The following TRPS1 variants were observed in gnomAD, a reference collection of about 807,000 sequenced individuals.
TRPS1 encodes zinc finger transcription factor Trps1.
TRPS1 carries 6 observed loss-of-function variants against 101.2 expected under a neutral mutation model. The ratio of observed to expected loss-of-function variants is 0.06; its 90% confidence interval spans 0.03 to 0.12. The LOEUF is 0.12. Among genes scored for constraint, TRPS1 ranks in the 10% least tolerant of loss-of-function variants. TRPS1 has a pLI of 1.00. For missense variants in TRPS1, 1,363 were observed against 1,567.0 expected (o/e 0.87, Z 2.20); for synonymous variants, 578 against 589.8 (o/e 0.98, Z 0.29).
intron 5 of TRPS1, among the ~76,000 whole-genome samples, chr8:115,557,892 G>T (rs761254915): frequency 2.6e-5 from 4 of 152,104 alleles, no homozygotes; most frequent in Non-Finnish European, 5.9e-5. Flanking sequence ...AGTTAGGGAA[G>T]AGTAATATAT....
chr8:115,470,035 A>G (rs1453950069), intron 5 of TRPS1, among the ~76,000 whole-genome samples: 1 of 152,220 alleles, frequency 6.6e-6, no homozygotes, highest in Non-Finnish European at 1.5e-5. Flanking sequence ...TTGGGCAACA[A>G]GGACAGGGTT....
intron 5 of TRPS1, among the ~76,000 whole-genome samples, chr8:115,581,111 A>T (rs1275416629): frequency 6.6e-6 from 1 of 152,160 alleles, no homozygotes; most frequent in East Asian, 1.9e-4. Context: ...ACGTGAATAG[A>T]ACAGGCGAAC....
chr8:115,621,762 A>C (rs1818398160), intron 2 of TRPS1, among the ~76,000 whole-genome samples: 1 of 152,034 alleles, frequency 6.6e-6, no homozygotes, highest in African/African-American at 2.4e-5. Context: ...AAAAAAATAC[A>C]AAAATTAGCT....
intron 5 of TRPS1, among the ~76,000 whole-genome samples, chr8:115,435,998 T>TCACACACACACACACA (rs4027183): frequency 1.3e-4 from 17 of 134,080 alleles, no homozygotes; most frequent in African/African-American, 3.2e-4. Flanking sequence ...AAATGAGAAA[T>TCACACACACACACACA]CACACACACA....
intron 5 of TRPS1, among the ~76,000 whole-genome samples, chr8:115,573,904 T>C (rs1232879628): frequency 6.6e-6 from 1 of 152,160 alleles, no homozygotes; most frequent in Non-Finnish European, 1.5e-5. Flanking sequence ...AAGTCCAGTC[T>C]TCCTTTCCGA....
rs1817967082 is a variant in TRPS1 at position 115,603,939 on chromosome 8, T to C, written c.2030A>G (p.Lys677Arg). Reference sequence around the variant, plus strand: ...ATCACATTTGGTACATGAGTGTTCTTTGCTTTCCTTGACAGACTGCTGCCC... The same window carrying C: ...ATCACATTTGGTACATGAGTGTTCTCTGCTTTCCTTGACAGACTGCTGCCC... Reference protein sequence around the residue: ...SDGQQSVKESKEHSCTKCDFI... With the variant: ...SDGQQSVKESREHSCTKCDFI... Residue 677 changes from lysine to arginine, a missense_variant, in exon 4 of 7, where the codon AAA becomes AGA. Physicochemically the swap from Lys to Arg is conservative, Grantham distance 26. Transcript: ENST00000395715. 1.9e-6 allele frequency: 3 copies of C among 1,614,052 alleles called. No homozygotes were observed. Among genetic ancestry groups the C allele is most frequent in the Non-Finnish European group, 2.5e-6 (3 of 1,179,976 alleles).
intron 5 of TRPS1, among the ~76,000 whole-genome samples, chr8:115,574,666 A>G (rs931246853): frequency 1.3e-5 from 2 of 152,142 alleles, no homozygotes; most frequent in African/African-American, 4.8e-5. Flanking sequence ...AGTTACTGGC[A>G]TCAACTTCAT....
chr8:115,528,705 T>C (rs1816059178), intron 5 of TRPS1, among the ~76,000 whole-genome samples: 1 of 152,024 alleles, frequency 6.6e-6, no homozygotes, highest in South Asian at 2.1e-4. Context: ...CAGTAGTCTT[T>C]AACTACTAAT....
Position 115,619,286 on chromosome 8 carries a change from G to T in TRPS1, c.812C>A (p.Ala271Asp). The T allele has an allele frequency of 4.3e-6, 7 of 1,614,096 alleles. No individual in the cohort carries two copies. Among genetic ancestry groups the T allele is most frequent in the Non-Finnish European group, 5.9e-6 (7 of 1,179,928 alleles). ...LGLHNRTRQD[A>D]ELDSKILALH... is the part of the protein sequence containing the mutation. ...GGCCAAGATTTTGCTGTCCAGCTCA[G>T]CATCTTGCCTGGTGCGGTTATGCAG... The change falls in exon 3 of 7, where the codon GCT becomes GAT. Residue 271 changes from alanine (A) to aspartate (D), a missense_variant. Ala to Asp is a moderately radical substitution (Grantham distance 126). Around this residue, in one of 5 missense-constraint regions of TRPS1, gnomAD observed 1,020 missense variants for 1,073.0 expected, o/e 0.95. Transcript: ENST00000395715.
At chr8:115,666,339 C>T (rs1279274321) in intron 1 of TRPS1, among the ~76,000 whole-genome samples, 3 of 151,490 alleles carry the variant, frequency 2.0e-5, no homozygotes, top group Admixed American at 2.0e-4. Flanking sequence ...CTGTCAGCAT[C>T]AGAACTTACA....
chr8:115,522,131 A>G (rs917161275), intron 5 of TRPS1, among the ~76,000 whole-genome samples: 3 of 151,960 alleles, frequency 2.0e-5, no homozygotes, highest in African/African-American at 7.2e-5. Flanking sequence ...GTGAATTTCT[A>G]CGTAAGATAG....
At chr8:115,518,231 A>G (rs1815770191) in intron 5 of TRPS1, among the ~76,000 whole-genome samples, 1 of 151,816 alleles carries the variant, frequency 6.6e-6, no homozygotes, top group South Asian at 2.1e-4. Context: ...TATAAATTTA[A>G]ATCACACACC....
At position 115,418,507 on chromosome 8, in the gene TRPS1, T is replaced by TA. The variant is rs1812976991; in HGVS notation, c.2701-56dup. The TA allele has an allele frequency of 1.2e-6, 2 of 1,613,376 alleles. No homozygotes were observed. The highest frequency in any genetic ancestry group is 3.3e-5 in the Admixed American group (2 of 59,994). On this transcript the variant is annotated intron_variant, in intron 5 of 6. Coordinates refer to ENST00000395715, the MANE Select transcript of TRPS1 (RefSeq NM_014112.5). The surrounding 1 kb of genome is among the most constrained non-coding windows in gnomAD (Gnocchi z 4.3). Reference sequence around the variant, plus strand: ...AGGTGAGTCACATGATCAGTGGAGTTAGACCAAATCAACCCAGGAGTTTTG... The same window carrying TA: ...AGGTGAGTCACATGATCAGTGGAGTTAAGACCAAATCAACCCAGGAGTTTTG...
chr8:115,581,683 T>C (rs1277494199), intron 5 of TRPS1, among the ~76,000 whole-genome samples: 2 of 152,138 alleles, frequency 1.3e-5, no homozygotes, highest in African/African-American at 4.8e-5. Context: ...AACTTTCTAC[T>C]GTCAAAAATG....
chr8:115,438,030 C>A (rs1268428597), intron 5 of TRPS1, among the ~76,000 whole-genome samples: 1 of 151,996 alleles, frequency 6.6e-6, no homozygotes, highest in Non-Finnish European at 1.5e-5. Context: ...TTTTTTTCTA[C>A]ATTTAAATGA....
rs1812825281 is a variant in TRPS1, at chr8:115,413,014, A to G, written c.*1009T>C. 1 of 152,602 alleles carries G rather than the reference A, an allele frequency of 6.6e-6. No homozygotes were observed. 9.5% of individuals were successfully genotyped at this position (152,602 alleles called of 1,614,324 possible). ...AGTTTGGAAATTATATTTAACCAAA[A>G]GAAAATAAATAAATACAGCAGGTTA... On this transcript the variant is annotated 3_prime_UTR_variant, in exon 7 of 7. Transcript: ENST00000395715.
intron 5 of TRPS1, among the ~76,000 whole-genome samples, chr8:115,434,792 G>A (rs926859494): frequency 1.3e-5 from 2 of 152,076 alleles, no homozygotes; most frequent in African/African-American, 2.4e-5. Context: ...ATAACCTGTC[G>A]AAATGTTCTT....
intron 5 of TRPS1, among the ~76,000 whole-genome samples, chr8:115,479,162 A>G (rs527245282): frequency 4.1e-4 from 63 of 152,242 alleles, no homozygotes; most frequent in African/African-American, 1.5e-3. Flanking sequence ...CACTTTACAC[A>G]GTCAATAAAT....
chr8:115,509,367 TA>T (rs757227749), intron 5 of TRPS1, among the ~76,000 whole-genome samples: 5 of 152,026 alleles, frequency 3.3e-5, no homozygotes, highest in Non-Finnish European at 5.9e-5. Flanking sequence ...TGGAGACAGA[TA>T]AAAAATAAAT....
Sources: allele counts gnomAD v4.1 joint callset (sites outside exome capture counted in the v4.1 genomes callset), GRCh38; gene constraint gnomAD v4.1.1; regional missense constraint gnomAD v4.1.1; non-coding constraint Gnocchi (gnomAD v3.1); transcripts MANE v1.5; gene names NCBI Gene and HGNC (gene_info 2026-07-23, HGNC 2026-07-21).